SPAG16: variants seen among roughly 807,000 people sequenced by gnomAD.
SPAG16 encodes the protein sperm-associated antigen 16 protein.
Under a neutral mutation model 80.4 loss-of-function variants are expected in SPAG16, and 86 were observed. The ratio of observed to expected loss-of-function variants is 1.07; its 90% CI spans 0.90 to 1.28. SPAG16 has a LOEUF of 1.28. Among genes scored for constraint, SPAG16 ranks in the 50% most tolerant of loss-of-function variants. The pLI, the probability that SPAG16 is intolerant of heterozygous loss-of-function variation, is 0.00. For synonymous variants in SPAG16, 294 were observed against 265.9 expected (o/e 1.11, Z -1.03); for missense variants, 870 against 765.3 (o/e 1.14, Z -1.61).
At chr2:213,337,889 A>G (rs1477941208) in intron 5 of SPAG16, among the ~76,000 whole-genome samples, 4 of 152,088 alleles carry the variant, frequency 2.6e-5, no homozygotes, top group Non-Finnish European at 4.4e-5. Context: ...AAGATACTAC[A>G]TGAGAAGATC....
chr2:213,366,712 C>G (rs892864392), intron 8 of SPAG16, among the ~76,000 whole-genome samples: 2 of 152,134 alleles, frequency 1.3e-5, no homozygotes, highest in Non-Finnish European at 2.9e-5. Flanking sequence ...GGTGGGGACA[C>G]AGCCCAAACC....
At chr2:213,834,001 A>T (rs1369747364) in intron 10 of SPAG16, among the ~76,000 whole-genome samples, 1 of 152,008 alleles carries the variant, frequency 6.6e-6, no homozygotes, top group Non-Finnish European at 1.5e-5. Context: ...GGGAGAGGAA[A>T]TCGAATCGTG....
At chr2:213,286,214 T>G (rs1216719634) in intron 1 of SPAG16, among the ~76,000 whole-genome samples, 1 of 152,218 alleles carries the variant, frequency 6.6e-6, no homozygotes, top group Non-Finnish European at 1.5e-5. Context: ...AACTGTAACT[T>G]TTTAGGATTT....
intron 12 of SPAG16, among the ~76,000 whole-genome samples, chr2:213,981,854 G>A (rs1173227790): frequency 6.7e-6 from 1 of 149,300 alleles, no homozygotes; most frequent in African/African-American, 2.6e-5. Context: ...TTGACAAAAG[G>A]TTTTAAAGTC....
At chr2:213,491,322 T>G (rs1012768786) in intron 10 of SPAG16, among the ~76,000 whole-genome samples, 1 of 152,236 alleles carries the variant, frequency 6.6e-6, no homozygotes, top group African/African-American at 2.4e-5. Context: ...ATGCCAATAA[T>G]GCATCTTCTA....
At chr2:213,513,711 A>C (rs1381067777) in intron 10 of SPAG16, among the ~76,000 whole-genome samples, 1 of 152,188 alleles carries the variant, frequency 6.6e-6, no homozygotes, top group East Asian at 1.9e-4. Flanking sequence ...ACATAGCGGA[A>C]TCTCTGTCAC....
chr2:213,701,656 C>T (rs1010750019), intron 10 of SPAG16, among the ~76,000 whole-genome samples: 10 of 152,144 alleles, frequency 6.6e-5, no homozygotes, highest in South Asian at 4.1e-4. Flanking sequence ...GCAGCCCTGG[C>T]GCAGGATCCA....
chr2:213,391,254 C>T lies in SPAG16; in HGVS notation c.942+16135C>T, dbSNP rs780084293. Among the ~76,000 whole-genome samples, 9 of 151,760 alleles carry T rather than the reference C, an allele frequency of 5.9e-5. No individual in the cohort carries two copies. The South Asian group carries it at 6.3e-4, about 11-fold the overall frequency. On this transcript the variant is annotated intron_variant, in intron 9 of 15. Coordinates refer to ENST00000331683, the MANE Select transcript of SPAG16 (RefSeq NM_024532.5). ...CTGCACTCCAACCTGGGCGATGGAG[C>T]GAGACTCCGTTTCAAAAAAATAAAT...
At chr2:213,856,021 C>T (rs184039722) in intron 10 of SPAG16, among the ~76,000 whole-genome samples, 2 of 152,264 alleles carry the variant, frequency 1.3e-5, no homozygotes, top group African/African-American at 2.4e-5. Flanking sequence ...TCCAAATTCT[C>T]GTCTGAGACA....
chr2:214,155,733 T>C (rs889806432), intron 15 of SPAG16, among the ~76,000 whole-genome samples: 3 of 152,158 alleles, frequency 2.0e-5, no homozygotes, highest in African/African-American at 4.8e-5. Flanking sequence ...TGAAGCAACA[T>C]TAACTCACAC....
At chr2:213,631,271 C>A (rs894541044) in intron 10 of SPAG16, among the ~76,000 whole-genome samples, 9 of 151,986 alleles carry the variant, frequency 5.9e-5, no homozygotes, top group Non-Finnish European at 1.3e-4. Context: ...ACAAACAAAC[C>A]ATGGACTATG....
chr2:213,984,400 G>A (rs1235353610), intron 12 of SPAG16, among the ~76,000 whole-genome samples: 1 of 152,096 alleles, frequency 6.6e-6, no homozygotes, highest in Non-Finnish European at 1.5e-5. Context: ...CAGTATATCA[G>A]AGCCTTCTCT....
chr2:213,941,495 G>T lies in SPAG16; in HGVS notation c.1400+11350G>T, dbSNP rs539693806. Among the ~76,000 whole-genome samples, 3 of 152,154 alleles carry T rather than the reference G, an allele frequency of 2.0e-5. No individual in the cohort carries two copies. In the East Asian group the frequency reaches 5.8e-4, roughly 29 times the overall value. On this transcript the variant is annotated intron_variant, in intron 12 of 15. Transcript: ENST00000331683. Reference sequence around the variant, plus strand: ...AGAGAGAGAGAGAGATTGTTCTTGGGATCGTGACATAAATTTCCCCTACCG... The same window carrying T: ...AGAGAGAGAGAGAGATTGTTCTTGGTATCGTGACATAAATTTCCCCTACCG...
At chr2:213,390,284 A>G (rs2067673967) in intron 9 of SPAG16, among the ~76,000 whole-genome samples, 1 of 152,176 alleles carries the variant, frequency 6.6e-6, no homozygotes, top group Admixed American at 6.5e-5. Flanking sequence ...TTTACAATGA[A>G]AAGAATTCTA....
At chr2:213,883,480 A>G (rs913230722) in intron 11 of SPAG16, among the ~76,000 whole-genome samples, 1 of 152,098 alleles carries the variant, frequency 6.6e-6, no homozygotes, top group East Asian at 1.9e-4. Context: ...AAGAATGTGT[A>G]TGTTGTGGTT....
intron 6 of SPAG16, among the ~76,000 whole-genome samples, chr2:213,343,940 C>G (rs558166769): frequency 6.6e-6 from 1 of 152,196 alleles, no homozygotes; most frequent in South Asian, 2.1e-4. Flanking sequence ...ATAACCTTCC[C>G]TATTCTGCTA....
At chr2:213,663,018 T>C (rs2063480003) in intron 10 of SPAG16, among the ~76,000 whole-genome samples, 2 of 152,112 alleles carry the variant, frequency 1.3e-5, no homozygotes, top group African/African-American at 2.4e-5. Context: ...TAGGTCATGA[T>C]GGTAATTTGG....
chr2:213,526,665 A>T (rs1357801281), intron 10 of SPAG16, among the ~76,000 whole-genome samples: 1 of 152,150 alleles, frequency 6.6e-6, no homozygotes, highest in Non-Finnish European at 1.5e-5. Context: ...TCTCATATTG[A>T]TGGAGTGCAT....
intron 8 of SPAG16, among the ~76,000 whole-genome samples, chr2:213,367,754 G>A (rs534369348): frequency 6.7e-5 from 10 of 148,952 alleles, no homozygotes; most frequent in Admixed American, 2.0e-4. Flanking sequence ...TCACTCTGAC[G>A]GTAGTTTCTT....
Sources: allele counts gnomAD v4.1 joint callset (sites outside exome capture counted in the v4.1 genomes callset), GRCh38; gene constraint gnomAD v4.1.1; transcripts MANE v1.5; gene names NCBI Gene and HGNC (gene_info 2026-07-23, HGNC 2026-07-21).